Variants in MMS22L observed in about 807,000 individuals in gnomAD.
MMS22L encodes the protein MMS22 like, DNA repair protein, also known as protein MMS22-like.
In MMS22L, 74 loss-of-function variants were observed where a neutral mutation model predicts 159.1. The ratio of observed to expected loss-of-function variants is 0.47; its 90% CI spans 0.39 to 0.56. The LOEUF is 0.56. MMS22L is among the 20% of genes least tolerant of loss of function. The pLI is 0.00. For synonymous variants in MMS22L, 517 were observed against 506.9 expected, an observed-to-expected ratio of 1.02 and a Z score of -0.27; for missense variants, 1,351 against 1,422.1, an observed-to-expected ratio of 0.95 and a Z score of 0.80.
chr6:97,215,293 A>AGCT (rs1292502661), intron 14 of MMS22L, among the ~76,000 whole-genome samples: 1 of 152,146 alleles, frequency 6.6e-6, no homozygotes, highest in African/African-American at 2.4e-5. Flanking sequence ...CACAGTAGTT[A>AGCT]GCTGCTGACT....
At chr6:97,236,323 CAAA>C (rs58792910) in intron 11 of MMS22L, among the ~76,000 whole-genome samples, 18 of 94,596 alleles carry the variant, frequency 1.9e-4, no homozygotes, top group Non-Finnish European at 1.8e-4. Context: ...ACTCTTTCTC[CAAA>C]AAAAAAAAAA....
At position 97,282,397 on chromosome 6, in the gene MMS22L, A is replaced by G. The variant is rs1297420156; in HGVS notation, c.81T>C (p.Pro27=). 3 of 1,614,096 alleles carry G rather than the reference A, an allele frequency of 1.9e-6. No individual in the cohort carries two copies. Among genetic ancestry groups the G allele is most frequent in the Non-Finnish European group, 2.5e-6 (3 of 1,179,982 alleles). ...LELGTEWCKP[P]YFSCAVDNRG... ...TGTTGTCAACAGCACAAGAAAAGTA[A>G]GGAGGTTTGCACCATTCCGTCCCCA... is the stretch of plus-strand genomic sequence containing the variant. The change falls in exon 2 of 25, where the codon CCT becomes CCC. Residue 27 remains proline (P), a synonymous_variant. Coordinates refer to ENST00000683635, the MANE Select transcript of MMS22L (RefSeq NM_001350599.2).
intron 15 of MMS22L, among the ~76,000 whole-genome samples, chr6:97,184,804 C>A (rs1805056463): frequency 6.6e-6 from 1 of 152,076 alleles, no homozygotes; most frequent in African/African-American, 2.4e-5. Flanking sequence ...ATAAGTCTAG[C>A]CTCAACCTAG....
chr6:97,149,238 G>T (rs1801085858), intron 24 of MMS22L, among the ~76,000 whole-genome samples: 1 of 151,810 alleles, frequency 6.6e-6, no homozygotes, highest in African/African-American at 2.4e-5. Context: ...ATAACCTTTA[G>T]GACACAAAAA....
intron 13 of MMS22L, 51 bp from the exon 14 acceptor site, chr6:97,229,454 C>G: frequency 7.6e-7 from 1 of 1,319,226 alleles, no homozygotes; most frequent in Non-Finnish European, 1.0e-6. Flanking sequence ...TCACAAAAAT[C>G]TGTATCTCTT....
At position 97,254,717 on chromosome 6, in the gene MMS22L, A is replaced by G. The variant is rs745511741; in HGVS notation, c.959T>C (p.Leu320Ser). 12 of 1,601,382 alleles carry G rather than the reference A, an allele frequency of 7.5e-6. No individual in the cohort carries two copies. The East Asian group carries it at 2.7e-4, about 36-fold the overall frequency. Residue 320 changes from leucine to serine, a missense_variant, in exon 10 of 25, where the codon TTG (leucine) becomes TCG (serine). Physicochemically the swap from Leu to Ser is moderately radical, Grantham distance 145. Coordinates refer to ENST00000683635, the MANE Select transcript of MMS22L (RefSeq NM_001350599.2). ...AAGCAGTGTTTTAAGTAGTTTATTC[A>G]ACCAGTTCCAAAATGACTATAGAAA... is the stretch of plus-strand genomic sequence containing the variant. Reference protein sequence around the residue: ...WFVSESFWNWLNKLLKTLLEK... With the variant: ...WFVSESFWNWSNKLLKTLLEK...
chr6:97,280,523 G>A (rs1370574849), intron 3 of MMS22L, among the ~76,000 whole-genome samples: 1 of 152,052 alleles, frequency 6.6e-6, no homozygotes, highest in Non-Finnish European at 1.5e-5. Flanking sequence ...AGTACAGAAG[G>A]GGCTTCACCA....
At chr6:97,185,098 G>A (rs1805090760) in intron 15 of MMS22L, among the ~76,000 whole-genome samples, 2 of 151,820 alleles carry the variant, frequency 1.3e-5, no homozygotes, top group Non-Finnish European at 1.5e-5. Flanking sequence ...TACTTACTTG[G>A]GCCTTCCTGA....
At position 97,168,243 on chromosome 6, in the gene MMS22L, A is replaced by G. The variant is rs1236128225; in HGVS notation, c.2840-3T>C. 1.2e-6 allele frequency: 2 copies of G among 1,612,016 alleles called. No individual in the cohort carries two copies. The highest frequency in any genetic ancestry group is 1.1e-5 in the South Asian group (1 of 90,804). ...TGCCCATGATTTCACAAGAATTCCT[A>G]ACAAAGAAGAGAAGTAACAGCATGT... is the stretch of plus-strand genomic sequence containing the variant. On this transcript the variant is annotated splice_polypyrimidine_tract_variant and splice_region_variant and intron_variant, in intron 19 of 24. Coordinates refer to ENST00000683635, the MANE Select transcript of MMS22L (RefSeq NM_001350599.2).
At chr6:97,207,322 A>G (rs748069941) in intron 14 of MMS22L, among the ~76,000 whole-genome samples, 4 of 152,184 alleles carry the variant, frequency 2.6e-5, no homozygotes, top group Admixed American at 6.5e-5. Context: ...CCTCTGGTCA[A>G]TTGTGTTTGT....
chr6:97,184,199 C>T (rs539444457), intron 15 of MMS22L, among the ~76,000 whole-genome samples: 5 of 152,152 alleles, frequency 3.3e-5, no homozygotes, highest in South Asian at 2.1e-4. Flanking sequence ...TTGGGCTCCA[C>T]GGCACCACAC....
rs562092732 is a variant in MMS22L at position 97,160,464 on chromosome 6, A to T, written c.3385+1538T>A. 3.3e-5 allele frequency among the ~76,000 whole-genome samples: 5 copies of T among 152,104 alleles called. No homozygotes were observed. In the South Asian group the frequency reaches 1.0e-3, roughly 32 times the overall value. On this transcript the variant is annotated intron_variant, in intron 22 of 24. Transcript: ENST00000683635. ...TCTCTGGCCCCCAGTTTCCTCTGAG[A>T]AGTCAGCTGTTAATCTTACTGGGGT...
intron 19 of MMS22L, among the ~76,000 whole-genome samples, chr6:97,172,543 TA>T (rs1211773276): frequency 1.3e-5 from 2 of 152,216 alleles, no homozygotes; most frequent in African/African-American, 2.4e-5. Context: ...TAAAGAAAGA[TA>T]AACTCCATTG....
intron 6 of MMS22L, chr6:97,270,914 CAAAAT>C (rs974167020): frequency 2.0e-5 from 3 of 152,090 alleles, no homozygotes; most frequent in Non-Finnish European, 4.4e-5. Context: ...AAGCAACAAT[CAAAAT>C]ATTTTAACAG....
chr6:97,199,886 C>A (rs1272333569), intron 14 of MMS22L, among the ~76,000 whole-genome samples: 1 of 152,038 alleles, frequency 6.6e-6, no homozygotes, highest in Non-Finnish European at 1.5e-5. Flanking sequence ...TCTGCAAACT[C>A]CTTGAAATTA....
intron 11 of MMS22L, among the ~76,000 whole-genome samples, chr6:97,243,582 T>A (rs1243699893): frequency 6.6e-6 from 1 of 152,204 alleles, no homozygotes; most frequent in South Asian, 2.1e-4. Flanking sequence ...CTTTTTCTAG[T>A]AATTCAGAGA....
intron 11 of MMS22L, among the ~76,000 whole-genome samples, chr6:97,241,050 G>T (rs1477446140): frequency 6.6e-6 from 1 of 152,176 alleles, no homozygotes; most frequent in East Asian, 1.9e-4. Flanking sequence ...TTAAAAACGA[G>T]AACATATGTT....
At chr6:97,177,528 A>G (rs1178152234) in intron 18 of MMS22L, among the ~76,000 whole-genome samples, 1 of 152,160 alleles carries the variant, frequency 6.6e-6, no homozygotes, top group Non-Finnish European at 1.5e-5. Flanking sequence ...AAAACTATCA[A>G]TGAAGAACTT....
Position 97,146,415 on chromosome 6 carries a change from A to G in MMS22L, c.*391T>C, listed in dbSNP as rs530736968. ...AGTATCATTTTAAAACATAACTATT[A>G]TTGTAAAAATAAAAAATAAACATGA... On this transcript the variant is annotated 3_prime_UTR_variant, in exon 25 of 25. Coordinates refer to ENST00000683635, the MANE Select transcript of MMS22L (RefSeq NM_001350599.2). 4 of 154,332 alleles carry G rather than the reference A, an allele frequency of 2.6e-5. No individual in the cohort carries two copies. The East Asian group carries it at 7.7e-4, about 30-fold the overall frequency. 9.6% of individuals were successfully genotyped at this position (154,332 alleles called of 1,614,324 possible). A position where few individuals can be genotyped will look rare whatever the true frequency, so the allele number is the denominator to read the frequency against.
Sources: allele counts gnomAD v4.1 joint callset (sites outside exome capture counted in the v4.1 genomes callset), GRCh38; gene constraint gnomAD v4.1.1; transcripts MANE v1.5; gene names NCBI Gene and HGNC (gene_info 2026-07-23, HGNC 2026-07-21).